The following KCNK9 variants were observed in gnomAD, a reference collection of about 807,000 sequenced individuals.
KCNK9 encodes potassium two pore domain channel subfamily K member 9, also known as potassium channel subfamily K member 9.
KCNK9 carries 1 observed loss-of-function variant against 10.8 expected under a neutral mutation model. That is an observed-to-expected ratio of 0.09 (90% confidence interval 0.03 to 0.44). The LOEUF (loss-of-function observed/expected upper bound fraction) is 0.44, where lower values mean the gene tolerates loss of function less well. Ranked by LOEUF, KCNK9 falls within the 20% of genes least tolerant of loss-of-function variation. KCNK9 has a pLI of 0.97. For missense variants in KCNK9, 303 were observed against 515.0 expected, an observed-to-expected ratio of 0.59 and a Z score of 3.98; for synonymous variants, 231 against 222.7, an observed-to-expected ratio of 1.04 and a Z score of -0.33.
At chr8:139,687,810 C>G (rs190585214) in intron 1 of KCNK9, among the ~76,000 whole-genome samples, 27 of 151,268 alleles carry the variant, frequency 1.8e-4, no homozygotes, top group Admixed American at 1.6e-3. Flanking sequence ...ATCTAAACCC[C>G]CATCCACTTC....
downstream of KCNK9, among the ~76,000 whole-genome samples, chr8:139,615,398 T>G (rs1042865075): frequency 6.6e-6 from 1 of 152,136 alleles, no homozygotes; most frequent in Non-Finnish European, 1.5e-5. Flanking sequence ...TGCTGTTTTA[T>G]TAAGAGAAGA....
At chr8:139,661,683 A>C (rs1300025787) in intron 1 of KCNK9, among the ~76,000 whole-genome samples, 1 of 152,174 alleles carries the variant, frequency 6.6e-6, no homozygotes, top group African/African-American at 2.4e-5. Flanking sequence ...GTCCCAGGAG[A>C]GGCCAACAGG....
chr8:139,630,315 T>G (rs1313779955), intron 1 of KCNK9, among the ~76,000 whole-genome samples: 3 of 152,158 alleles, frequency 2.0e-5, no homozygotes, highest in Non-Finnish European at 4.4e-5. Context: ...CGAGGCTTTG[T>G]GGGCGCTGGA....
downstream of KCNK9, among the ~76,000 whole-genome samples, chr8:139,610,664 G>T (rs900815177): frequency 3.9e-5 from 6 of 152,182 alleles, no homozygotes; most frequent in African/African-American, 9.7e-5. Flanking sequence ...ATTTTATTAT[G>T]GGGGGAGGAC....
At chr8:139,641,398 A>T (rs1586655540) in intron 1 of KCNK9, among the ~76,000 whole-genome samples, 1 of 152,094 alleles carries the variant, frequency 6.6e-6, no homozygotes, top group East Asian at 1.9e-4. Flanking sequence ...CTCAGCCCAG[A>T]CAATCAAGCC....
chr8:139,602,494 G>C (rs899828534), intron 2 of KCNK9, among the ~76,000 whole-genome samples: 2 of 152,172 alleles, frequency 1.3e-5, no homozygotes, highest in African/African-American at 4.8e-5. Flanking sequence ...GACCTTATAG[G>C]ACCAGCAAGC....
chr8:139,680,799 G>T (rs1294943250), intron 1 of KCNK9, among the ~76,000 whole-genome samples: 1 of 152,150 alleles, frequency 6.6e-6, no homozygotes, highest in Non-Finnish European at 1.5e-5. Flanking sequence ...AACCCAGGCG[G>T]TCGCATTCTG....
At chr8:139,652,703 A>G (rs1334650496) in intron 1 of KCNK9, among the ~76,000 whole-genome samples, 1 of 152,208 alleles carries the variant, frequency 6.6e-6, no homozygotes, top group African/African-American at 2.4e-5. Flanking sequence ...AAAGTGCTGC[A>G]TGATGATTAT....
chr8:139,620,092 C>T (rs965372641), intron 1 of KCNK9, among the ~76,000 whole-genome samples: 1 of 152,186 alleles, frequency 6.6e-6, no homozygotes, highest in South Asian at 2.1e-4. Flanking sequence ...AAGTCAGCTG[C>T]AGGGTCACCC....
intron 1 of KCNK9, among the ~76,000 whole-genome samples, chr8:139,634,706 C>T (rs1815286171): frequency 6.6e-6 from 1 of 152,170 alleles, no homozygotes; most frequent in African/African-American, 2.4e-5. Flanking sequence ...GTTCCCCAAA[C>T]AGCTAGACAT....
At chr8:139,629,654 G>A (rs1156422959) in intron 1 of KCNK9, among the ~76,000 whole-genome samples, 2 of 152,052 alleles carry the variant, frequency 1.3e-5, no homozygotes, top group Non-Finnish European at 1.5e-5. Flanking sequence ...CCACAGTTCT[G>A]GAGCCTAGAA....
chr8:139,680,370 C>A (rs894043266), intron 1 of KCNK9, among the ~76,000 whole-genome samples: 4 of 152,208 alleles, frequency 2.6e-5, no homozygotes, highest in Non-Finnish European at 4.4e-5. Flanking sequence ...CCAGGAACCA[C>A]AGCCATTATC....
At chr8:139,689,929 C>T (rs1816902086) in intron 1 of KCNK9, among the ~76,000 whole-genome samples, 1 of 152,204 alleles carries the variant, frequency 6.6e-6, no homozygotes, top group Admixed American at 6.5e-5. Context: ...GTGTGAGCCA[C>T]CACGCCCGGC....
intron 2 of KCNK9, among the ~76,000 whole-genome samples, chr8:139,606,427 T>C (rs865792870): frequency 1.3e-5 from 2 of 152,106 alleles, no homozygotes; most frequent in Admixed American, 1.3e-4. Context: ...TCAATGCACA[T>C]GCACACACAT....
At chr8:139,610,959 T>G (rs969227493), downstream of KCNK9, among the ~76,000 whole-genome samples, 3 of 152,262 alleles carry the variant, frequency 2.0e-5, no homozygotes, top group Non-Finnish European at 4.4e-5. Context: ...GGCCCATGCC[T>G]TTGCCTGAGC....
intron 1 of KCNK9, 107 bp from the exon 2 acceptor site, chr8:139,619,206 T>C: frequency 7.9e-7 from 1 of 1,264,446 alleles, no homozygotes; most frequent in Non-Finnish European, 1.1e-6. Context: ...CAGAGGGACC[T>C]GGTACTGGGG....
rs373434875 is a variant in KCNK9 at position 139,678,297 on chromosome 8, C to T, written c.283+24413G>A. The stretch of plus-strand genomic sequence containing the variant: ...CGTCTTTCCTGACATGTACACCTTG[C>T]AGGCAGCTCCCTTCTCCAGTCTGAG... On this transcript the variant is annotated intron_variant, in intron 1 of 1. Transcript: ENST00000520439. Among the ~76,000 whole-genome samples the T allele has an allele frequency of 6.6e-4, 101 of 152,352 alleles. 1 individual carries two copies. The highest frequency in any genetic ancestry group is 2.3e-3 in the African/African-American group (94 of 41,582).
In KCNK9 at chr8:139,702,567, G is replaced by A; in HGVS notation, c.283+143C>T. On this transcript the variant is annotated intron_variant, in intron 1 of 1. Transcript: ENST00000520439. This position sits in a 1 kb window ranked among gnomAD's most constrained non-coding sequence, Gnocchi z 7.5. ...CGCCGCGGAGGGGGGGCTCCCTAGAGAGGAGGGGGCGCTGCGGGAAGGCCC... is the reference window on the plus strand; with the variant it reads ...CGCCGCGGAGGGGGGGCTCCCTAGAAAGGAGGGGGCGCTGCGGGAAGGCCC... The A allele has an allele frequency of 1.2e-6, 1 of 837,612 alleles. No individual in the cohort carries two copies. 51.9% of individuals were successfully genotyped at this position (837,612 alleles called of 1,614,324 possible). A position where few individuals can be genotyped will look rare whatever the true frequency, so the allele number is the denominator to read the frequency against.
chr8:139,647,685 C>T (rs1815733480), intron 1 of KCNK9, among the ~76,000 whole-genome samples: 1 of 152,174 alleles, frequency 6.6e-6, no homozygotes, highest in Admixed American at 6.5e-5. Flanking sequence ...CACAGGGACC[C>T]AGCCACAGGG....
Sources: allele counts gnomAD v4.1 joint callset (sites outside exome capture counted in the v4.1 genomes callset), GRCh38; gene constraint gnomAD v4.1.1; non-coding constraint Gnocchi (gnomAD v3.1); transcripts MANE v1.5; gene names NCBI Gene and HGNC (gene_info 2026-07-23, HGNC 2026-07-21).